The following TTF1 variants were observed in gnomAD, a reference collection of about 807,000 sequenced individuals.
TTF1 encodes the protein transcription termination factor, RNA polymerase I.
Under a neutral mutation model 80.2 loss-of-function variants are expected in TTF1, and 64 were observed. That is an observed-to-expected ratio of 0.80 (90% CI 0.65 to 0.98). The LOEUF (loss-of-function observed/expected upper bound fraction) is 0.98. Ranked by LOEUF, TTF1 falls within the 50% of genes least tolerant of loss-of-function variation. The pLI is 0.00. For synonymous variants in TTF1, 372 were observed against 382.7 expected, an observed-to-expected ratio of 0.97 and a Z score of 0.33; for missense variants, 1,023 against 1,086.2, an observed-to-expected ratio of 0.94 and a Z score of 0.82.
intron 10 of TTF1, among the ~76,000 whole-genome samples, chr9:132,377,768 ATGTGG>A (rs1849245282): frequency 3.5e-5 from 4 of 114,188 alleles, no homozygotes; most frequent in African/African-American, 1.4e-4. Flanking sequence ...GTGTGAATGC[ATGTGG>A]TGTGTGTGAG....
At chr9:132,378,956 A>T in intron 10 of TTF1, 103 bp downstream of exon 10, 1 of 784,612 alleles carries the variant, frequency 1.3e-6, no homozygotes, top group Admixed American at 2.9e-5. Flanking sequence ...GCAGCTGATG[A>T]AGCTGAGGCT....
intron 5 of TTF1, 28 bp from the exon 6 acceptor site, chr9:132,392,234 G>A (rs372412010): frequency 6.2e-6 from 10 of 1,613,134 alleles, no homozygotes; most frequent in African/African-American, 1.3e-5. Context: ...TGTTTTACAA[G>A]TTTAAACGAA....
intron 10 of TTF1, among the ~76,000 whole-genome samples, chr9:132,378,417 G>A (rs1324156539): frequency 7.0e-6 from 1 of 142,240 alleles, no homozygotes; most frequent in Non-Finnish European, 1.5e-5. Flanking sequence ...TGCATGTGGT[G>A]TGAGTGCATG....
At chr9:132,388,361 G>T in intron 7 of TTF1, 133 bp from the exon 8 acceptor site, 1 of 537,776 alleles carries the variant, frequency 1.9e-6, no homozygotes, top group Non-Finnish European at 3.2e-6. Flanking sequence ...TTTTGAGACG[G>T]GGTCTCACTT....
At position 132,401,874 on chromosome 9, in the gene TTF1, C is replaced by G; in HGVS notation, c.948G>C (p.Leu316=). Residue 316 remains leucine (L), a synonymous_variant, in exon 2 of 11, where the codon CTG becomes CTC. Transcript: ENST00000334270. ...CTGGTATTCCTGCAGTTTCACCATGCAGGCCCACAGCAGGCCGGGATTCCT... is the reference window on the plus strand; with the variant it reads ...CTGGTATTCCTGCAGTTTCACCATGGAGGCCCACAGCAGGCCGGGATTCCT... ...DMQESRPAVG[L]HGETAGIPAP... 6.2e-7 allele frequency: 1 copy of G among 1,612,590 alleles called. No individual in the cohort carries two copies. Among genetic ancestry groups the G allele is most frequent in the Non-Finnish European group, 8.5e-7 (1 of 1,178,942 alleles).
intron 4 of TTF1, 36 bp downstream of exon 4, chr9:132,398,105 T>C (rs1454079722): frequency 6.6e-7 from 1 of 1,509,166 alleles, no homozygotes; most frequent in African/African-American, 1.4e-5. Flanking sequence ...GCTGGAAGGC[T>C]GTGGATGGTC....
intron 9 of TTF1, among the ~76,000 whole-genome samples, chr9:132,385,416 T>A (rs918631092): frequency 6.6e-6 from 1 of 152,170 alleles, no homozygotes; most frequent in Non-Finnish European, 1.5e-5. Flanking sequence ...GTGTGCTGAG[T>A]TGTCAACTGT....
chr9:132,390,870 A>G (rs1849548375), intron 6 of TTF1, 39 bp from the exon 7 acceptor site: 2 of 1,556,878 alleles, frequency 1.3e-6, no homozygotes, highest in Admixed American at 1.9e-5. Flanking sequence ...TAGCTAGTCT[A>G]TTTGCTTTCA....
intron 5 of TTF1, among the ~76,000 whole-genome samples, chr9:132,393,783 A>G (rs1471197184): frequency 4.6e-5 from 7 of 152,202 alleles, no homozygotes; most frequent in African/African-American, 1.7e-4. Context: ...AAAGCACTAT[A>G]ATATTATAAA....
intron 6 of TTF1, among the ~76,000 whole-genome samples, chr9:132,391,167 G>C (rs2131635672): frequency 6.6e-6 from 1 of 152,334 alleles, no homozygotes; most frequent in South Asian, 2.1e-4. Context: ...AGAAAAGCCA[G>C]CCAAATGGCT....
chr9:132,390,961 AAC>A (rs1849549524), intron 6 of TTF1, 130 bp from the exon 7 acceptor site: 1 of 788,518 alleles, frequency 1.3e-6, no homozygotes, highest in Non-Finnish European at 2.0e-6. Context: ...ACATAAAACA[AAC>A]ACAATTATGT....
chr9:132,388,483 G>A (rs142142344), intron 7 of TTF1, among the ~76,000 whole-genome samples: 41 of 151,944 alleles, frequency 2.7e-4, no homozygotes, highest in African/African-American at 9.4e-4. Flanking sequence ...ATTCCTTACA[G>A]GTGCGCACCA....
intron 10 of TTF1, among the ~76,000 whole-genome samples, chr9:132,377,928 GGTGC>G (rs1849258222): frequency 7.9e-6 from 1 of 126,408 alleles, no homozygotes; most frequent in Admixed American, 8.3e-5. Context: ...GAGTGCATGT[GGTGC>G]GTGTGAATGC....
At position 132,396,445 on chromosome 9, in the gene TTF1, T is replaced by C. The variant is rs1849649780; in HGVS notation, c.1844A>G (p.Asn615Ser). 1.8e-5 allele frequency: 29 copies of C among 1,614,244 alleles called. No homozygotes were observed. Among genetic ancestry groups the C allele is most frequent in the Non-Finnish European group, 2.5e-5 (29 of 1,180,044 alleles). ...ACTTTTTTCTTACCTGCCTTTGTAATTGTTGACATCGAACATCTTCTTTGC... is the reference window on the plus strand; with the variant it reads ...ACTTTTTTCTTACCTGCCTTTGTAACTGTTGACATCGAACATCTTCTTTGC... ...YRAKKMFDVN[N>S]YKGRYSEGDT... is the part of the protein sequence containing the mutation. The change falls in exon 5 of 11, where the codon AAT becomes AGT. Residue 615 changes from asparagine (N) to serine (S), a missense_variant. Coordinates refer to ENST00000334270, the MANE Select transcript of TTF1 (RefSeq NM_007344.4).
chr9:132,399,177 C>A lies in TTF1; in HGVS notation c.1592-851G>T, dbSNP rs180985209. Among the ~76,000 whole-genome samples the A allele has an allele frequency of 6.0e-3, 829 of 138,050 alleles. 14 individuals carry two copies. The highest frequency in any genetic ancestry group is 0.022 in the African/African-American group (788 of 36,428). 90.6% of individuals were successfully genotyped at this position (138,050 alleles called of 152,430 possible). On this transcript the variant is annotated intron_variant, in intron 3 of 10. Transcript: ENST00000334270. ...TCATGCCACTGCACTCCAGCCTGGG[C>A]TACAGAGCAAGACTCTGTCTCAAAA...
chr9:132,389,143 G>A (rs1435990602), intron 7 of TTF1, among the ~76,000 whole-genome samples: 1 of 149,574 alleles, frequency 6.7e-6, no homozygotes, highest in Non-Finnish European at 1.5e-5. Context: ...TTTAACATTG[G>A]TATGTCATCC....
intron 8 of TTF1, among the ~76,000 whole-genome samples, 168 bp downstream of exon 8, chr9:132,387,971 A>C (rs1396379393): frequency 6.6e-6 from 1 of 152,268 alleles, no homozygotes; most frequent in Admixed American, 6.5e-5. Context: ...AGTTAAGATG[A>C]GTAAACTGAG....
chr9:132,387,531 C>T (rs917466172), intron 8 of TTF1, among the ~76,000 whole-genome samples: 7 of 152,158 alleles, frequency 4.6e-5, no homozygotes, highest in Non-Finnish European at 1.0e-4. Flanking sequence ...TTAGGCAGGG[C>T]TCACGTGTGA....
intron 10 of TTF1, among the ~76,000 whole-genome samples, chr9:132,378,038 T>A (rs1849264176): frequency 8.4e-6 from 1 of 118,662 alleles, no homozygotes; most frequent in Non-Finnish European, 1.7e-5. Flanking sequence ...GCATGTGGTG[T>A]GTGTGTGAAT....
Sources: allele counts gnomAD v4.1 joint callset (sites outside exome capture counted in the v4.1 genomes callset), GRCh38; gene constraint gnomAD v4.1.1; transcripts MANE v1.5; gene names NCBI Gene and HGNC (gene_info 2026-07-23, HGNC 2026-07-21).